Variants in TASP1 observed in about 807,000 individuals in gnomAD.
The protein encoded by TASP1 is threonine aspartase 1.
Under a neutral mutation model 56.6 loss-of-function variants are expected in TASP1, and 16 were observed. The ratio of observed to expected loss-of-function variants is 0.28; its 90% CI spans 0.19 to 0.43. The LOEUF is 0.43. TASP1 is among the 20% of genes least tolerant of loss of function. The pLI, the probability that TASP1 is intolerant of heterozygous loss-of-function variation, is 1.00. For synonymous variants in TASP1, 179 were observed against 184.2 expected (o/e 0.97, Z 0.23); for missense variants, 393 against 511.6 (o/e 0.77, Z 2.24).
chr20:13,146,373 C>T, the TASP1 span, among the ~76,000 whole-genome samples: 10 of 152,002 alleles, frequency 6.6e-5, no homozygotes, highest in East Asian at 1.9e-4. Flanking sequence ...CAAACCCCCA[C>T]GACACGTGTT....
the TASP1 span, among the ~76,000 whole-genome samples, chr20:13,193,430 A>G: frequency 6.6e-6 from 1 of 152,056 alleles, no homozygotes; most frequent in Non-Finnish European, 1.5e-5. Flanking sequence ...TCTTTTACAG[A>G]AAAAAAAGGA....
At chr20:13,595,693 G>A (rs1217715717) in intron 4 of TASP1, among the ~76,000 whole-genome samples, 1 of 152,130 alleles carries the variant, frequency 6.6e-6, no homozygotes, top group Non-Finnish European at 1.5e-5. Flanking sequence ...AAATATATAT[G>A]CACCAAATAC....
chr20:13,365,042 T>C, the TASP1 span, among the ~76,000 whole-genome samples: 1 of 152,332 alleles, frequency 6.6e-6, no homozygotes, highest in East Asian at 1.9e-4. Context: ...CTTGAATAAA[T>C]ATAATTGATG....
intron 8 of TASP1, among the ~76,000 whole-genome samples, chr20:13,558,766 A>G (rs577965857): frequency 1.3e-5 from 2 of 152,264 alleles, no homozygotes; most frequent in African/African-American, 2.4e-5. Flanking sequence ...GTTATATTTT[A>G]GATCCACTGG....
chr20:13,469,709 A>AAATCAAAT (rs1201528569), intron 11 of TASP1, among the ~76,000 whole-genome samples: 1 of 151,612 alleles, frequency 6.6e-6, no homozygotes, highest in Non-Finnish European at 1.5e-5. Flanking sequence ...TGTACTGAAA[A>AAATCAAAT]AATCAAATTT....
chr20:13,502,236 T>C (rs2043972968), intron 10 of TASP1, among the ~76,000 whole-genome samples: 1 of 152,120 alleles, frequency 6.6e-6, no homozygotes, highest in African/African-American at 2.4e-5. Context: ...GAACATCTTT[T>C]CTGCCTTTAC....
the TASP1 span, among the ~76,000 whole-genome samples, chr20:13,315,309 TTAAA>T: frequency 6.6e-6 from 1 of 152,018 alleles, no homozygotes; most frequent in Admixed American, 6.6e-5. Context: ...GGAATCCACT[TTAAA>T]TATAAGGCCA....
the TASP1 span, among the ~76,000 whole-genome samples, chr20:13,109,852 T>G: frequency 1.0e-3 from 156 of 152,268 alleles, 1 homozygote; most frequent in African/African-American, 3.7e-3. Flanking sequence ...GGGGAGAGCC[T>G]TTAAGAGCCT....
At chr20:13,181,190 C>A in the TASP1 span, among the ~76,000 whole-genome samples, 1 of 152,206 alleles carries the variant, frequency 6.6e-6, no homozygotes, top group Admixed American at 6.5e-5. Flanking sequence ...GGCAGATAAG[C>A]ACCTTGGCCT....
chr20:13,115,866 T>C, the TASP1 span, among the ~76,000 whole-genome samples: 1 of 152,164 alleles, frequency 6.6e-6, no homozygotes, highest in Admixed American at 6.5e-5. Context: ...TTGTATTGCA[T>C]ATGAGGAAAC....
chr20:13,287,437 A>G, the TASP1 span, among the ~76,000 whole-genome samples: 1 of 152,190 alleles, frequency 6.6e-6, no homozygotes, highest in Non-Finnish European at 1.5e-5. Flanking sequence ...TTACAATTCA[A>G]GGTAAGATGT....
the TASP1 span, among the ~76,000 whole-genome samples, chr20:13,114,540 A>G: frequency 0.44 from 67,197 of 152,016 alleles, 14,959 homozygotes; most frequent in African/African-American, 0.48. Context: ...ATATGCACAT[A>G]TGCTGTAGCC....
At chr20:13,219,205 G>A in the TASP1 span, among the ~76,000 whole-genome samples, 1 of 152,304 alleles carries the variant, frequency 6.6e-6, no homozygotes, top group East Asian at 1.9e-4. Flanking sequence ...GTTCCTGCGA[G>A]CCCGTATCAT....
rs551141686 is a variant in TASP1 at position 13,592,797 on chromosome 20, TAAG to T, written c.283-5430_283-5428del. On this transcript the variant is annotated intron_variant, in intron 4 of 13. Transcript: ENST00000337743. Reference sequence around the variant, plus strand: ...TTTCTAGTTTCTTAAAATGATAGGTTAAGTAACTGATTTGAGATCTTCCTTCTT... The same window carrying T: ...TTTCTAGTTTCTTAAAATGATAGGTTTAACTGATTTGAGATCTTCCTTCTT... Among the ~76,000 whole-genome samples, 386 of 152,318 alleles carry T rather than the reference TAAG, an allele frequency of 2.5e-3. 1 individual carries two copies. Among genetic ancestry groups the T allele is most frequent in the African/African-American group, 8.6e-3 (359 of 41,574 alleles).
At chr20:13,115,296 C>T in the TASP1 span, among the ~76,000 whole-genome samples, 1 of 152,132 alleles carries the variant, frequency 6.6e-6, no homozygotes, top group Non-Finnish European at 1.5e-5. Flanking sequence ...AAGCTGAGTT[C>T]TCCCTAGGAC....
the TASP1 span, among the ~76,000 whole-genome samples, chr20:13,382,160 G>C: frequency 6.6e-6 from 1 of 152,144 alleles, no homozygotes. Flanking sequence ...GAAGTTGGGG[G>C]GCAGGGAGTG....
At chr20:13,499,892 A>G (rs2043880797) in intron 10 of TASP1, among the ~76,000 whole-genome samples, 1 of 152,142 alleles carries the variant, frequency 6.6e-6, no homozygotes, top group Non-Finnish European at 1.5e-5. Context: ...AAAATCAAAT[A>G]CTATATGTTC....
At chr20:13,146,831 G>A in the TASP1 span, among the ~76,000 whole-genome samples, 4 of 152,138 alleles carry the variant, frequency 2.6e-5, no homozygotes, top group Non-Finnish European at 5.9e-5. Flanking sequence ...CTCATCATGA[G>A]CGAGTTTACC....
chr20:13,255,692 T>A, the TASP1 span, among the ~76,000 whole-genome samples: 1 of 152,172 alleles, frequency 6.6e-6, no homozygotes. Context: ...AGTCATTCCC[T>A]CTGGGAAGAC....
Sources: allele counts gnomAD v4.1 joint callset (sites outside exome capture counted in the v4.1 genomes callset), GRCh38; gene constraint gnomAD v4.1.1; transcripts MANE v1.5; gene names NCBI Gene and HGNC (gene_info 2026-07-23, HGNC 2026-07-21).